LNPK: variants seen among roughly 807,000 people sequenced by gnomAD.
The protein encoded by LNPK is lunapark, ER junction formation factor, also known as endoplasmic reticulum junction formation protein lunapark.
LNPK carries 29 observed loss-of-function variants against 55.2 expected under a neutral mutation model. The observed-to-expected ratio is 0.53, with a 90% CI of 0.39 to 0.72. The LOEUF (loss-of-function observed/expected upper bound fraction) is 0.72, where lower values mean the gene tolerates loss of function less well. LNPK is among the 30% of genes least tolerant of loss of function. The pLI, the probability that LNPK is intolerant of heterozygous loss-of-function variation, is 0.00. For missense variants in LNPK, 467 were observed against 494.8 expected (o/e 0.94, Z 0.53); for synonymous variants, 162 against 168.2 (o/e 0.96, Z 0.29).
At chr2:175,947,010 T>TA (rs950784432) in intron 9 of LNPK, among the ~76,000 whole-genome samples, 474 of 145,904 alleles carry the variant, frequency 3.2e-3, no homozygotes, top group Middle Eastern at 7.1e-3. Flanking sequence ...TTCTATGCCT[T>TA]AAAAAAAAAA....
chr2:175,951,907 T>A (rs182699823), intron 8 of LNPK, among the ~76,000 whole-genome samples: 18 of 152,092 alleles, frequency 1.2e-4, no homozygotes, highest in African/African-American at 2.4e-4. Flanking sequence ...TCTATTTTTT[T>A]AATTTTTTTA....
intron 4 of LNPK, among the ~76,000 whole-genome samples, chr2:175,981,067 T>C (rs1687151192): frequency 1.3e-5 from 2 of 152,162 alleles, no homozygotes; most frequent in South Asian, 4.1e-4. Context: ...ATTTGCTATT[T>C]TGGGGAGTTA....
chr2:175,950,032 T>C (rs1417367973), intron 8 of LNPK, among the ~76,000 whole-genome samples: 1 of 152,056 alleles, frequency 6.6e-6, no homozygotes, highest in Non-Finnish European at 1.5e-5. Flanking sequence ...GCCTTAAACG[T>C]AAGATACAAA....
chr2:175,984,326 G>A (rs138243885), intron 4 of LNPK, among the ~76,000 whole-genome samples: 40 of 152,028 alleles, frequency 2.6e-4, no homozygotes, highest in Non-Finnish European at 4.7e-4. Flanking sequence ...TTACAGGCAC[G>A]CGTCACCATG....
chr2:175,947,378 T>C, intron 9 of LNPK, 102 bp downstream of exon 9: 1 of 921,346 alleles, frequency 1.1e-6, no homozygotes, highest in Non-Finnish European at 1.7e-6. Flanking sequence ...CTCTGCTATT[T>C]CCAAATGAAA....
chr2:175,943,275 C>G (rs1684950239), intron 9 of LNPK, among the ~76,000 whole-genome samples: 1 of 149,050 alleles, frequency 6.7e-6, no homozygotes, highest in Admixed American at 6.7e-5. Context: ...GGCCCAGATG[C>G]TTCAACTGGT....
chr2:175,962,475 T>C (rs1309369203), intron 8 of LNPK, among the ~76,000 whole-genome samples: 1 of 152,162 alleles, frequency 6.6e-6, no homozygotes, highest in Non-Finnish European at 1.5e-5. Context: ...GTTTAATAAA[T>C]GGTGCTGGGA....
At chr2:175,973,657 G>A (rs1013618306) in intron 5 of LNPK, among the ~76,000 whole-genome samples, 1 of 152,126 alleles carries the variant, frequency 6.6e-6, no homozygotes, top group Non-Finnish European at 1.5e-5. Context: ...AAGTTGTTCT[G>A]CAAAGACTTT....
intron 4 of LNPK, among the ~76,000 whole-genome samples, chr2:175,988,173 T>C (rs921713624): frequency 6.6e-6 from 1 of 152,084 alleles, no homozygotes; most frequent in Non-Finnish European, 1.5e-5. Context: ...ATCCAATTTA[T>C]CAAAATGTTT....
chr2:175,966,456 A>G lies in LNPK; in HGVS notation c.358-1867T>C, dbSNP rs191298688. ...ACTAAAACTACTACTAGGTTTAAAA[A>G]GATTAAACTGTGATCTTTAAAACAA... On this transcript the variant is annotated intron_variant, in intron 6 of 12. Coordinates refer to ENST00000272748, the MANE Select transcript of LNPK (RefSeq NM_030650.3). 2.6e-5 allele frequency among the ~76,000 whole-genome samples: 4 copies of G among 152,372 alleles called. No homozygotes were observed. In the East Asian group the frequency reaches 7.7e-4, roughly 29 times the overall value.
intron 4 of LNPK, among the ~76,000 whole-genome samples, chr2:175,985,430 G>T (rs973717619): frequency 1.3e-5 from 2 of 152,214 alleles, no homozygotes; most frequent in Non-Finnish European, 2.9e-5. Flanking sequence ...TGATATGAAA[G>T]ACGTTGGTCT....
chr2:175,987,674 T>TAA (rs61294187), intron 4 of LNPK, among the ~76,000 whole-genome samples: 1 of 149,696 alleles, frequency 6.7e-6, no homozygotes, highest in South Asian at 2.1e-4. Flanking sequence ...AAAGTATAAT[T>TAA]AAAAAAAAAA....
At position 175,924,682 on chromosome 2, in the gene LNPK, A is replaced by AC. The variant is rs201413234; in HGVS notation, c.*5284_*5285insG. On this transcript the variant is annotated 3_prime_UTR_variant, in exon 13 of 13. Transcript: ENST00000272748. Reference sequence around the variant, plus strand: ...TGAGGCTGGGTAATTTACTGAAAAAAAAACAAAACAAACAAAAAAAAAAAA... The same window carrying AC: ...TGAGGCTGGGTAATTTACTGAAAAAACAAACAAAACAAACAAAAAAAAAAAA... The AC allele has an allele frequency of 0.085, 9,037 of 105,914 alleles. 362 individuals are homozygous for AC. Among genetic ancestry groups the AC allele is most frequent in the Admixed American group, 0.13 (1,221 of 9,332 alleles). 6.6% of individuals were successfully genotyped at this position (105,914 alleles called of 1,614,324 possible). A position where few individuals can be genotyped will look rare whatever the true frequency, so the allele number is the denominator to read the frequency against.
At chr2:175,947,765 T>A (rs1457787519) in intron 8 of LNPK, 73 bp from the exon 9 acceptor site, 1 of 1,081,984 alleles carries the variant, frequency 9.2e-7, no homozygotes, top group Non-Finnish European at 1.3e-6. Flanking sequence ...ACAATTTATA[T>A]TTATTAAAAT....
chr2:175,972,693 T>C (rs757367962), intron 5 of LNPK, among the ~76,000 whole-genome samples: 13 of 152,250 alleles, frequency 8.5e-5, no homozygotes, highest in Non-Finnish European at 1.8e-4. Flanking sequence ...ATTTGATTTT[T>C]TAATGTCTTT....
intron 2 of LNPK, among the ~76,000 whole-genome samples, chr2:175,993,936 T>G (rs1452399737): frequency 6.6e-6 from 1 of 152,210 alleles, no homozygotes; most frequent in African/African-American, 2.4e-5. Flanking sequence ...TTGCTAAAAG[T>G]TCACTTAAGA....
intron 5 of LNPK, among the ~76,000 whole-genome samples, chr2:175,974,841 A>G (rs1686832174): frequency 6.6e-6 from 1 of 152,142 alleles, no homozygotes; most frequent in Non-Finnish European, 1.5e-5. Context: ...ATTAAAATGA[A>G]TTAGTACAAT....
At chr2:175,966,134 G>A (rs569574883) in intron 6 of LNPK, among the ~76,000 whole-genome samples, 3 of 152,098 alleles carry the variant, frequency 2.0e-5, no homozygotes, top group African/African-American at 4.8e-5. Context: ...GAGTGGTTTC[G>A]GCTCACTGCA....
chr2:175,952,750 T>A (rs1004127366), intron 8 of LNPK, among the ~76,000 whole-genome samples: 1 of 151,926 alleles, frequency 6.6e-6, no homozygotes, highest in African/African-American at 2.4e-5. Context: ...CTCAATCTGG[T>A]TTTTGTGCTC....
Sources: gnomAD v4.1 joint callset for allele counts (sites outside exome capture counted in the v4.1 genomes callset) on GRCh38, gnomAD v4.1.1 for gene constraint, MANE v1.5 for transcripts, NCBI Gene and HGNC (gene_info 2026-07-23, HGNC 2026-07-21) for gene names.